The following CATSPERD variants were observed in gnomAD, a reference collection of about 807,000 sequenced individuals.
The protein encoded by CATSPERD is catsper channel auxiliary subunit delta, also known as cation channel sperm-associated auxiliary subunit delta.
CATSPERD carries 86 observed loss-of-function variants against 98.1 expected under a neutral mutation model. The ratio of observed to expected loss-of-function variants is 0.88; its 90% CI spans 0.74 to 1.05. The LOEUF (loss-of-function observed/expected upper bound fraction) is 1.05, where lower values mean the gene tolerates loss of function less well. Among genes scored for constraint, CATSPERD ranks in the 50% least tolerant of loss-of-function variants. The pLI is 0.00. For synonymous variants in CATSPERD, 394 were observed against 390.2 expected (o/e 1.01, Z -0.12); for missense variants, 995 against 1,005.7 (o/e 0.99, Z 0.14).
chr19:5,768,050 A>G, intron 17 of CATSPERD, 118 bp from the exon 18 acceptor site: 1 of 735,822 alleles, frequency 1.4e-6, no homozygotes, highest in Non-Finnish European at 2.3e-6. Flanking sequence ...CGCCCGCCTC[A>G]GCTCCCAAAG....
At chr19:5,748,299 G>A (rs757835155) in intron 10 of CATSPERD, 44 bp downstream of exon 10, 35 of 1,571,376 alleles carry the variant, frequency 2.2e-5, no homozygotes, top group Non-Finnish European at 3.1e-5. Context: ...TTTAGACCTG[G>A]CTTATTAACC....
At chr19:5,737,350 C>T (rs2055868576) in intron 6 of CATSPERD, 145 bp downstream of exon 6, 1 of 556,976 alleles carries the variant, frequency 1.8e-6, no homozygotes, top group African/African-American at 1.9e-5. Flanking sequence ...TGCTGAAGCC[C>T]AGGAGTTTGA....
chr19:5,765,748 G>A (rs1476641008), intron 16 of CATSPERD, among the ~76,000 whole-genome samples: 1 of 152,052 alleles, frequency 6.6e-6, no homozygotes, highest in South Asian at 2.1e-4. Context: ...GGGGGAGGAT[G>A]TTGCAGTGAG....
intron 13 of CATSPERD, among the ~76,000 whole-genome samples, chr19:5,754,847 C>CTT (rs34200755): frequency 8.5e-4 from 117 of 137,828 alleles, no homozygotes; most frequent in Non-Finnish European, 1.1e-3. Flanking sequence ...TCTTCTTCTT[C>CTT]TTTTTTTTTT....
intron 18 of CATSPERD, among the ~76,000 whole-genome samples, chr19:5,769,096 G>A (rs770784127): frequency 1.5e-4 from 23 of 151,762 alleles, no homozygotes; most frequent in Non-Finnish European, 2.6e-4. Context: ...AGAGGTTGCA[G>A]TGAGCCAAGA....
intron 21 of CATSPERD, among the ~76,000 whole-genome samples, chr19:5,776,564 G>A (rs2056745703): frequency 1.3e-5 from 2 of 152,192 alleles, no homozygotes; most frequent in South Asian, 2.1e-4. Flanking sequence ...CTGCCCTGGC[G>A]CACCTGAGTC....
rs150921069 is a variant in CATSPERD at position 5,771,690 on chromosome 19, C to T, written c.1763+618C>T. On this transcript the variant is annotated intron_variant, in intron 19 of 21. Transcript: ENST00000381624. ...GGTTCAAGCGATTCTCCTGCCTCAG[C>T]CTCCCGAGTATCTGGGATTACAGGC... is the stretch of plus-strand genomic sequence containing the variant. Among the ~76,000 whole-genome samples the T allele has an allele frequency of 5.1e-3, 769 of 152,042 alleles. 8 individuals carry two copies. Among genetic ancestry groups the T allele is most frequent in the African/African-American group, 0.018 (726 of 41,442 alleles).
chr19:5,736,384 C>T (rs1192705409), intron 5 of CATSPERD, among the ~76,000 whole-genome samples: 2 of 152,148 alleles, frequency 1.3e-5, no homozygotes. Flanking sequence ...CATCTGCTCC[C>T]AAATTTCAGT....
At position 5,720,796 on chromosome 19, in the gene CATSPERD, C is replaced by A; in HGVS notation, c.59C>A (p.Ala20Asp). ...ATGTGGCTCCGACCGCTGGTCACAG[C>A]TCAGCTCTGTCGGTGGGGCTGCCAG... is the stretch of plus-strand genomic sequence containing the variant. ...VTMWLRPLVT[A>D]QLCRSRTVRT... The change falls in exon 1 of 22, where the codon GCT (alanine) becomes GAT (aspartate). Residue 20 changes from alanine to aspartate, a missense_variant. Ala to Asp is a moderately radical substitution (Grantham distance 126). Transcript: ENST00000381624. The A allele has an allele frequency of 6.2e-7, 1 of 1,600,416 alleles. No individual in the cohort carries two copies.
In CATSPERD at chr19:5,727,761, G is replaced by A. The variant is rs968630491; in HGVS notation, c.203+417G>A. Among the ~76,000 whole-genome samples the A allele has an allele frequency of 7.2e-5, 11 of 152,144 alleles. 1 individual carries two copies. Among genetic ancestry groups the A allele is most frequent in the Non-Finnish European group, 1.6e-4 (11 of 68,028 alleles). On this transcript the variant is annotated intron_variant, in intron 3 of 21. Transcript: ENST00000381624. Reference sequence around the variant, plus strand: ...AACACCATGCTTAGCATGCACGTGAGTTCGTAAGGGTAGCAGGTTAGGAAA... The same window carrying A: ...AACACCATGCTTAGCATGCACGTGAATTCGTAAGGGTAGCAGGTTAGGAAA...
chr19:5,741,277 TA>T (rs1337846624), intron 7 of CATSPERD, among the ~76,000 whole-genome samples: 3 of 152,082 alleles, frequency 2.0e-5, no homozygotes, highest in African/African-American at 7.2e-5. Context: ...CTTCAGACTC[TA>T]ACTGTCTTTG....
intron 4 of CATSPERD, among the ~76,000 whole-genome samples, chr19:5,733,181 G>T (rs2145704485): frequency 6.6e-6 from 1 of 151,620 alleles, no homozygotes; most frequent in South Asian, 2.1e-4. Flanking sequence ...TTTAATAGAG[G>T]CAGGGTTTCA....
intron 9 of CATSPERD, among the ~76,000 whole-genome samples, chr19:5,747,789 T>C (rs1362475402): frequency 6.6e-6 from 1 of 151,972 alleles, no homozygotes; most frequent in African/African-American, 2.4e-5. Flanking sequence ...TTTTTGTATT[T>C]TTAGTAGAGA....
chr19:5,740,762 C>CAAAA (rs59937872), intron 7 of CATSPERD, among the ~76,000 whole-genome samples: 7 of 36,430 alleles, frequency 1.9e-4, no homozygotes, highest in Admixed American at 3.0e-4. Context: ...AACTCCGTCT[C>CAAAA]AAAAAAAAAA....
At chr19:5,767,321 A>C (rs2145846257) in intron 17 of CATSPERD, among the ~76,000 whole-genome samples, 1 of 148,818 alleles carries the variant, frequency 6.7e-6, no homozygotes, top group African/African-American at 2.4e-5. Flanking sequence ...TGTCTCAAAA[A>C]AAAAAAAAAA....
intron 15 of CATSPERD, among the ~76,000 whole-genome samples, chr19:5,762,617 GTGGATGGA>G (rs543017321): frequency 1.6e-4 from 24 of 151,670 alleles, no homozygotes; most frequent in East Asian, 9.7e-4. Flanking sequence ...GGATGGGTGG[GTGGATGGA>G]TGGATGGATG....
At chr19:5,744,234 C>A (rs1367254346) in intron 7 of CATSPERD, among the ~76,000 whole-genome samples, 193 bp from the exon 8 acceptor site, 1 of 152,182 alleles carries the variant, frequency 6.6e-6, no homozygotes, top group Non-Finnish European at 1.5e-5. Flanking sequence ...CCCGCCTCAG[C>A]CACCCAAAGT....
Position 5,727,335 on chromosome 19 carries a change from T to A in CATSPERD, c.194T>A (p.Leu65Gln). 1.2e-6 allele frequency: 2 copies of A among 1,610,430 alleles called. No individual in the cohort carries two copies. The highest frequency in any genetic ancestry group is 2.2e-5 in the East Asian group (1 of 44,866). Reference protein sequence around the residue: ...IKHPCEKNIALYLGKQVFFTM... With the variant: ...IKHPCEKNIAQYLGKQVFFTM... ...CATCCTTGCGAGAAAAATATAGCAC[T>A]ATATCTAGGGTAAGTGGCAATTTTA... The change falls in exon 3 of 22, where the codon CTA becomes CAA. Residue 65 changes from leucine (L) to glutamine (Q), a missense_variant. By Grantham distance (113) the Leu-to-Gln change is moderately radical (BLOSUM62 -2). Coordinates refer to ENST00000381624, the MANE Select transcript of CATSPERD (RefSeq NM_152784.4).
chr19:5,771,743 G>T (rs950682522), intron 19 of CATSPERD, among the ~76,000 whole-genome samples: 1 of 150,410 alleles, frequency 6.6e-6, no homozygotes, highest in Non-Finnish European at 1.5e-5. Flanking sequence ...GCTAGTTTTT[G>T]TATTTTTAGT....
Sources: allele counts gnomAD v4.1 joint callset (sites outside exome capture counted in the v4.1 genomes callset), GRCh38; gene constraint gnomAD v4.1.1; transcripts MANE v1.5; gene names NCBI Gene and HGNC (gene_info 2026-07-23, HGNC 2026-07-21).